The following SUMF1 variants were observed in gnomAD, a reference collection of about 807,000 sequenced individuals.
The protein encoded by SUMF1 is formylglycine-generating enzyme.
SUMF1 carries 48 observed loss-of-function variants against 47.6 expected under a neutral mutation model. The observed-to-expected ratio is 1.01, with a 90% CI of 0.80 to 1.28. The LOEUF (loss-of-function observed/expected upper bound fraction) is 1.28, where lower values mean the gene tolerates loss of function less well. SUMF1 is among the 50% of genes most tolerant of loss of function. The pLI, the probability that SUMF1 is intolerant of heterozygous loss-of-function variation, is 0.00. For missense variants in SUMF1, 571 were observed against 485.4 expected (o/e 1.18, Z -1.66); for synonymous variants, 230 against 192.1 (o/e 1.20, Z -1.63).
chr3:4,088,076 G>A (rs146106018), intron 8 of SUMF1, among the ~76,000 whole-genome samples: 6 of 152,214 alleles, frequency 3.9e-5, no homozygotes, highest in African/African-American at 9.6e-5. Context: ...AGGCTGATAC[G>A]TCAGTGAGAT....
chr3:4,229,945 T>C (rs554473537), intron 8 of SUMF1, among the ~76,000 whole-genome samples: 2 of 151,968 alleles, frequency 1.3e-5, no homozygotes, highest in Non-Finnish European at 2.9e-5. Flanking sequence ...CCCAGGAGTT[T>C]AACACTGCAG....
rs572293946 is a variant in SUMF1 at position 4,369,476 on chromosome 3, C to T, written c.1014+6854G>A. Among the ~76,000 whole-genome samples, 4 of 152,300 alleles carry T rather than the reference C, an allele frequency of 2.6e-5. No individual in the cohort carries two copies. In the South Asian group the frequency reaches 8.3e-4, roughly 32 times the overall value. ...CTTTGGTATTTCTAGAATCAAGTTC[C>T]TGTGGATAATCCAGGGCCCCATGCA... On this transcript the variant is annotated intron_variant, in intron 8 of 8. Coordinates refer to ENST00000272902, the MANE Select transcript of SUMF1 (RefSeq NM_182760.4).
At chr3:4,125,298 C>G (rs75728244) in intron 8 of SUMF1, among the ~76,000 whole-genome samples, 2 of 151,968 alleles carry the variant, frequency 1.3e-5, no homozygotes, top group African/African-American at 2.4e-5. Flanking sequence ...ATTACTGTAC[C>G]GGACAGCACA....
At chr3:4,176,628 A>G (rs1425917952) in intron 8 of SUMF1, among the ~76,000 whole-genome samples, 2 of 152,218 alleles carry the variant, frequency 1.3e-5, no homozygotes, top group Non-Finnish European at 2.9e-5. Flanking sequence ...AAACTACATC[A>G]ATTAACAGGC....
intron 8 of SUMF1, among the ~76,000 whole-genome samples, chr3:4,174,980 G>T (rs1694926250): frequency 6.6e-6 from 1 of 152,186 alleles, no homozygotes. Flanking sequence ...CGGGCTGGGG[G>T]AGGGGCGTCT....
intron 8 of SUMF1, among the ~76,000 whole-genome samples, chr3:4,078,316 C>G (rs978478640): frequency 0.01 from 1 of 100 alleles, no homozygotes; most frequent in African/African-American, 0.062. Context: ...GTAGGCCAAG[C>G]TTGCTAAACT....
Position 4,362,117 on chromosome 3 carries a change from T to C in SUMF1, c.*27A>G. 6.2e-7 allele frequency: 1 copy of C among 1,606,524 alleles called. No individual in the cohort carries two copies. Among genetic ancestry groups the C allele is most frequent in the Non-Finnish European group, 8.5e-7 (1 of 1,173,562 alleles). On this transcript the variant is annotated 3_prime_UTR_variant, in exon 9 of 9. Coordinates refer to ENST00000272902, the MANE Select transcript of SUMF1 (RefSeq NM_182760.4). ...ATGTAGGTCAGACACGACTGCTCCTTGGACTGGGGAAGACTTTCCTTGGTT... is the reference window on the plus strand; with the variant it reads ...ATGTAGGTCAGACACGACTGCTCCTCGGACTGGGGAAGACTTTCCTTGGTT...
intron 8 of SUMF1, among the ~76,000 whole-genome samples, chr3:4,080,197 C>T (rs1387970076): frequency 3.9e-5 from 6 of 152,124 alleles, no homozygotes; most frequent in Non-Finnish European, 7.4e-5. Context: ...TGCACAAATG[C>T]ACACGTACAT....
chr3:4,072,140 C>T (rs1695542432), intron 8 of SUMF1, among the ~76,000 whole-genome samples: 2 of 152,098 alleles, frequency 1.3e-5, no homozygotes, highest in African/African-American at 4.8e-5. Flanking sequence ...TTTAGTGATA[C>T]CCAGGAAAAC....
intron 8 of SUMF1, among the ~76,000 whole-genome samples, chr3:4,273,909 T>C (rs1438157736): frequency 1.4e-5 from 2 of 144,426 alleles, no homozygotes; most frequent in South Asian, 2.4e-4. Flanking sequence ...GTTTCTTTTT[T>C]TTAATCTAAA....
At chr3:4,164,520 T>C (rs1170838232) in intron 8 of SUMF1, among the ~76,000 whole-genome samples, 2 of 152,146 alleles carry the variant, frequency 1.3e-5, no homozygotes, top group African/African-American at 2.4e-5. Context: ...AGCTTGTTTC[T>C]CTTTGGACAA....
chr3:4,281,123 C>T (rs149830858), intron 8 of SUMF1, among the ~76,000 whole-genome samples: 1 of 152,022 alleles, frequency 6.6e-6, no homozygotes, highest in African/African-American at 2.4e-5. Context: ...GAGGAGAAAA[C>T]CATATACAAT....
intron 9 of SUMF1, among the ~76,000 whole-genome samples, chr3:4,048,845 A>G (rs1161797460): frequency 1.3e-5 from 2 of 152,154 alleles, no homozygotes; most frequent in African/African-American, 4.8e-5. Context: ...TACCAACCTA[A>G]TTTATTTCTG....
chr3:4,397,074 G>A (rs1002214584), intron 7 of SUMF1, among the ~76,000 whole-genome samples: 8 of 152,204 alleles, frequency 5.3e-5, no homozygotes, highest in African/African-American at 1.9e-4. Context: ...GATGGAATTA[G>A]CCTCCTAATA....
At chr3:4,285,654 T>A (rs1006476417) in intron 8 of SUMF1, among the ~76,000 whole-genome samples, 3 of 152,158 alleles carry the variant, frequency 2.0e-5, no homozygotes, top group Admixed American at 1.3e-4. Context: ...TTACAAGCTC[T>A]CTGAGGATGC....
chr3:4,130,578 G>C (rs943789207), intron 8 of SUMF1, among the ~76,000 whole-genome samples: 1 of 152,082 alleles, frequency 6.6e-6, no homozygotes, highest in Non-Finnish European at 1.5e-5. Context: ...GTGTGCCACA[G>C]GATGAGAAAT....
intron 8 of SUMF1, among the ~76,000 whole-genome samples, chr3:4,321,991 C>A (rs1559224966): frequency 6.6e-6 from 1 of 152,140 alleles, no homozygotes; most frequent in African/African-American, 2.4e-5. Flanking sequence ...ACTCTGTGGT[C>A]TTGCTCCCCA....
intron 9 of SUMF1, among the ~76,000 whole-genome samples, chr3:4,061,843 G>A (rs910450818): frequency 9.9e-5 from 15 of 152,144 alleles, no homozygotes; most frequent in African/African-American, 3.4e-4. Flanking sequence ...ACAGTGCAGT[G>A]TGTAAGGAGA....
chr3:4,265,415 C>A (rs1426371890), intron 8 of SUMF1, among the ~76,000 whole-genome samples: 1 of 152,016 alleles, frequency 6.6e-6, no homozygotes, highest in Non-Finnish European at 1.5e-5. Flanking sequence ...TTTTTGGCAA[C>A]AATGATCATG....
Sources: gnomAD v4.1 joint callset for allele counts (sites outside exome capture counted in the v4.1 genomes callset) on GRCh38, gnomAD v4.1.1 for gene constraint, MANE v1.5 for transcripts, NCBI Gene and HGNC (gene_info 2026-07-23, HGNC 2026-07-21) for gene names.